The following CFAP61 variants were observed in gnomAD, a reference collection of about 807,000 sequenced individuals.
CFAP61 encodes cilia and flagella associated protein 61.
In CFAP61, 107 loss-of-function variants were observed where a neutral mutation model predicts 135.6. The ratio of observed to expected loss-of-function variants is 0.79; its 90% CI spans 0.67 to 0.93. CFAP61 has a LOEUF of 0.93. Among genes scored for constraint, CFAP61 ranks in the 40% least tolerant of loss-of-function variants. The pLI, the probability that CFAP61 is intolerant of heterozygous loss-of-function variation, is 0.00. For missense variants in CFAP61, 1,507 were observed against 1,556.2 expected, an observed-to-expected ratio of 0.97 and a Z score of 0.53; for synonymous variants, 575 against 578.5, an observed-to-expected ratio of 0.99 and a Z score of 0.09.
chr20:20,054,578 C>T (rs1568781570), intron 1 of CFAP61, among the ~76,000 whole-genome samples: 1 of 152,218 alleles, frequency 6.6e-6, no homozygotes, highest in Non-Finnish European at 1.5e-5. Context: ...CATTCATGCT[C>T]ATTTGTGCCG....
chr20:20,054,561 G>T (rs1338101483), intron 1 of CFAP61, among the ~76,000 whole-genome samples: 1 of 152,142 alleles, frequency 6.6e-6, no homozygotes, highest in Non-Finnish European at 1.5e-5. Context: ...AAAATTTTGT[G>T]GGAATACATT....
In CFAP61 at chr20:20,315,615, G is replaced by A. The variant is rs540514726; in HGVS notation, c.3422+17229G>A. Reference sequence around the variant, plus strand: ...TTTTAGACATGAAGTCCTTGCCCATGCCTATGTCCTGAATGGTAATGCCTA... The same window carrying A: ...TTTTAGACATGAAGTCCTTGCCCATACCTATGTCCTGAATGGTAATGCCTA... On this transcript the variant is annotated intron_variant, in intron 25 of 26. Coordinates refer to ENST00000245957, the MANE Select transcript of CFAP61 (RefSeq NM_015585.4). Among the ~76,000 whole-genome samples the A allele has an allele frequency of 2.6e-5, 4 of 151,754 alleles. No individual in the cohort carries two copies. The East Asian group carries it at 7.7e-4, about 29-fold the overall frequency.
Position 20,164,160 on chromosome 20 carries a change from C to A in CFAP61, c.1137C>A (p.Pro379=), listed in dbSNP as rs1449843130. The change falls in exon 11 of 27, where the codon CCC becomes CCA. Residue 379 remains proline (P), a synonymous_variant. Transcript: ENST00000245957. ...VLPEEPVHFR[P]IYRGASAAFC... ...CTGAAGAGCCCGTCCACTTCCGCCC[C>A]ATCTACAGGGGAGCCTCAGCTGCTT... 1.9e-6 allele frequency: 3 copies of A among 1,614,034 alleles called. No individual in the cohort carries two copies. Among genetic ancestry groups the A allele is most frequent in the Non-Finnish European group, 2.5e-6 (3 of 1,179,994 alleles).
At chr20:20,167,111 A>T (rs1342568389) in intron 12 of CFAP61, among the ~76,000 whole-genome samples, 1 of 152,218 alleles carries the variant, frequency 6.6e-6, no homozygotes, top group Non-Finnish European at 1.5e-5. Flanking sequence ...CAGGCCTGTT[A>T]ATTAAGTAAA....
intron 1 of CFAP61, chr20:20,055,934 A>G (rs1281947959): frequency 5.0e-6 from 8 of 1,590,910 alleles, no homozygotes; most frequent in East Asian, 2.2e-5. Context: ...AATTGAAATC[A>G]TTTTGTGACC....
intron 17 of CFAP61, among the ~76,000 whole-genome samples, chr20:20,207,169 A>G (rs966205899): frequency 2.6e-5 from 4 of 152,188 alleles, no homozygotes; most frequent in East Asian, 1.9e-4. Context: ...GTGGACATCT[A>G]AGAGAGCTCA....
intron 21 of CFAP61, among the ~76,000 whole-genome samples, chr20:20,269,746 G>A (rs2053196563): frequency 6.6e-6 from 1 of 152,072 alleles, no homozygotes; most frequent in East Asian, 1.9e-4. Context: ...TCATTATCTA[G>A]TTATTTGCTG....
intron 8 of CFAP61, among the ~76,000 whole-genome samples, chr20:20,110,248 T>C (rs886405659): frequency 2.6e-5 from 4 of 152,046 alleles, no homozygotes; most frequent in East Asian, 1.9e-4. Context: ...GGCCTGCAAA[T>C]TGACCAACAG....
rs74174557 is a variant in CFAP61, at chr20:20,269,132, T to TACACACACACACACACACACACAC, written c.2503+6003_2503+6004insCACACACACACACACACACACACA. Among the ~76,000 whole-genome samples the TACACACACACACACACACACACAC allele has an allele frequency of 3.4e-4, 30 of 87,132 alleles. No homozygotes were observed. In the Middle Eastern group the frequency reaches 0.025, roughly 73 times the overall value. 57.2% of individuals were successfully genotyped at this position (87,132 alleles called of 152,430 possible). A position where few individuals can be genotyped will look rare whatever the true frequency, so the allele number is the denominator to read the frequency against. ...TATTCGTGGGCTATATATATATATA[T>TACACACACACACACACACACACAC]ATATATATATATATACACACACACA... On this transcript the variant is annotated intron_variant, in intron 21 of 26. Coordinates refer to ENST00000245957, the MANE Select transcript of CFAP61 (RefSeq NM_015585.4).
rs762772877 is a variant in CFAP61 at position 20,341,867 on chromosome 20, C to T, written c.3459C>T (p.His1153=). ...FTEPWCLALF[H]DRFIDLRKEL... Reference sequence around the variant, plus strand: ...AGCCGTGGTGCCTGGCCCTGTTCCACGATCGTTTTATTGATCTCAGGAAAG... The same window carrying T: ...AGCCGTGGTGCCTGGCCCTGTTCCATGATCGTTTTATTGATCTCAGGAAAG... The change falls in exon 26 of 27, where the codon CAC becomes CAT. Residue 1153 remains histidine, a synonymous_variant. Coordinates refer to ENST00000245957, the MANE Select transcript of CFAP61 (RefSeq NM_015585.4). The T allele has an allele frequency of 1.1e-5, 17 of 1,613,574 alleles. No individual in the cohort carries two copies. Among genetic ancestry groups the T allele is most frequent in the African/African-American group, 5.3e-5 (4 of 74,912 alleles).
intron 13 of CFAP61, among the ~76,000 whole-genome samples, chr20:20,187,272 A>G (rs1350500927): frequency 7.2e-5 from 11 of 152,138 alleles, no homozygotes; most frequent in Non-Finnish European, 1.5e-4. Context: ...CTCCTGGCAG[A>G]AGGAGGAGGC....
intron 21 of CFAP61, 75 bp from the exon 22 acceptor site, chr20:20,277,091 C>T (rs1213766235): frequency 6.8e-6 from 8 of 1,177,604 alleles, no homozygotes; most frequent in Admixed American, 6.1e-5. Context: ...CGGAGCAATT[C>T]GGCATTATTA....
intron 8 of CFAP61, chr20:20,107,676 G>A (rs1027939100): frequency 6.6e-6 from 1 of 152,006 alleles, no homozygotes; most frequent in South Asian, 2.1e-4. Context: ...GCCCAGGCTG[G>A]GGTACAGTGG....
chr20:20,158,466 C>G (rs1197987364), intron 9 of CFAP61, among the ~76,000 whole-genome samples: 2 of 151,464 alleles, frequency 1.3e-5, no homozygotes, highest in African/African-American at 4.9e-5. Context: ...AATACAACTA[C>G]ACGTCTATTA....
At chr20:20,121,986 G>A (rs1318870472) in intron 8 of CFAP61, among the ~76,000 whole-genome samples, 4 of 151,262 alleles carry the variant, frequency 2.6e-5, no homozygotes, top group African/African-American at 7.3e-5. Context: ...TCGGGTACAG[G>A]TGGTATTTGG....
At chr20:20,358,059 G>A (rs2059323204) in intron 26 of CFAP61, among the ~76,000 whole-genome samples, 1 of 148,186 alleles carries the variant, frequency 6.7e-6, no homozygotes, top group South Asian at 2.2e-4. Flanking sequence ...ATAGTGTGAG[G>A]GGAGGTGGTC....
intron 11 of CFAP61, among the ~76,000 whole-genome samples, chr20:20,165,023 G>T (rs1038023503): frequency 6.6e-6 from 1 of 152,154 alleles, no homozygotes; most frequent in Non-Finnish European, 1.5e-5. Context: ...CTCCCACAGG[G>T]TCCCTCCCAC....
intron 20 of CFAP61, among the ~76,000 whole-genome samples, chr20:20,254,738 T>C (rs2051380696): frequency 6.6e-6 from 1 of 152,180 alleles, no homozygotes; most frequent in Non-Finnish European, 1.5e-5. Flanking sequence ...AAACAGAGCT[T>C]AAACCCAAAG....
intron 25 of CFAP61, among the ~76,000 whole-genome samples, chr20:20,305,095 G>T (rs2056389100): frequency 6.6e-6 from 1 of 152,124 alleles, no homozygotes; most frequent in Admixed American, 6.5e-5. Flanking sequence ...CCCTCAGACA[G>T]CCCGGCCCTC....
Sources: gnomAD v4.1 joint callset for allele counts (sites outside exome capture counted in the v4.1 genomes callset) on GRCh38, gnomAD v4.1.1 for gene constraint, MANE v1.5 for transcripts, NCBI Gene and HGNC (gene_info 2026-07-23, HGNC 2026-07-21) for gene names.